Variants in SLC9A7 observed in about 807,000 individuals in gnomAD.
SLC9A7 encodes the protein solute carrier family 9 member A7, also known as sodium/hydrogen exchanger 7.
SLC9A7 carries 19 observed loss-of-function variants against 52.6 expected under a neutral mutation model. The observed-to-expected ratio is 0.36, with a 90% confidence interval of 0.25 to 0.53. SLC9A7 has a LOEUF of 0.53. Ranked by LOEUF, SLC9A7 falls within the 20% of genes least tolerant of loss-of-function variation. The pLI, the probability that SLC9A7 is intolerant of heterozygous loss-of-function variation, is 0.91. For missense variants in SLC9A7, 455 were observed against 597.9 expected, an observed-to-expected ratio of 0.76 and a Z score of 2.49; for synonymous variants, 226 against 252.1, an observed-to-expected ratio of 0.90 and a Z score of 0.98.
intron 1 of SLC9A7, chrX:46,725,159 C>G: frequency 1.3e-6 from 1 of 742,535 alleles, no homozygotes; most frequent in Non-Finnish European, 2.1e-6. Flanking sequence ...TGATGCCAAT[C>G]TATGAAGTAG....
intron 12 of SLC9A7, among the ~76,000 whole-genome samples, chrX:46,641,825 C>G (rs1943410492): frequency 1.8e-5 from 2 of 112,142 alleles, no homozygotes; most frequent in African/African-American, 6.5e-5. Flanking sequence ...GGGCAAATTA[C>G]TGCTTTGTGC....
At chrX:46,612,602 CT>C (rs1396637038) in intron 16 of SLC9A7, among the ~76,000 whole-genome samples, 94 of 111,546 alleles carry the variant, frequency 8.4e-4, no homozygotes, top group Non-Finnish European at 1.9e-4. Flanking sequence ...CCCAGCCAGC[CT>C]GTACTACTAG....
chrX:46,631,471 T>C, intron 14 of SLC9A7, 115 bp downstream of exon 14: 1 of 565,668 alleles, frequency 1.8e-6, no homozygotes, highest in South Asian at 2.8e-5. Context: ...GGGAGAGCAG[T>C]ACACGCTTCA....
intron 14 of SLC9A7, among the ~76,000 whole-genome samples, chrX:46,621,295 C>G (rs754643465): frequency 8.9e-6 from 1 of 112,131 alleles, no homozygotes; most frequent in East Asian, 2.8e-4. Context: ...ATAGCTCAAA[C>G]TTAATATGGA....
At chrX:46,725,365 T>C (rs1944926875) in intron 1 of SLC9A7, 1 of 1,195,051 alleles carries the variant, frequency 8.4e-7, no homozygotes, top group Non-Finnish European at 1.1e-6. Flanking sequence ...GTGCCATAAC[T>C]GCGACTCAGT....
intron 14 of SLC9A7, among the ~76,000 whole-genome samples, chrX:46,626,689 C>T (rs1370091921): frequency 8.9e-6 from 1 of 112,028 alleles, no homozygotes; most frequent in Non-Finnish European, 1.9e-5. Context: ...GGCAGACTTC[C>T]CCCTTGCTGT....
At position 46,643,354 on chromosome X, in the gene SLC9A7, G is replaced by A. The variant is rs1943436944; in HGVS notation, c.1498C>T (p.Arg500Cys). The A allele has an allele frequency of 1.7e-6, 2 of 1,211,056 alleles. No individual in the cohort carries two copies. Among genetic ancestry groups the A allele is most frequent in the Non-Finnish European group, 2.2e-6 (2 of 894,893 alleles). ...RGAMAFALAI[R>C]DTASYARQMM... Reference sequence around the variant, plus strand: ...TGGCGAGCATAGGATGCCGTGTCACGGATGGCCAACGCAAATGCCATTGCT... The same window carrying A: ...TGGCGAGCATAGGATGCCGTGTCACAGATGGCCAACGCAAATGCCATTGCT... The change falls in exon 12 of 17, where the codon CGT (arginine) becomes TGT (cysteine). Residue 500 changes from arginine (R) to cysteine (C), a missense_variant. Transcript: ENST00000616978.
rs756122291 is a variant in SLC9A7, at chrX:46,613,405, T to A, written c.1824-11A>T. On this transcript the variant is annotated splice_polypyrimidine_tract_variant and intron_variant, in intron 15 of 16. Coordinates refer to ENST00000616978, the MANE Select transcript of SLC9A7 (RefSeq NM_001257291.2). Reference sequence around the variant, plus strand: ...ATGGGCTTCAGGTAACTTTAAAATGTGAATTAAGGAAAAATGGCTGCAAAG... The same window carrying A: ...ATGGGCTTCAGGTAACTTTAAAATGAGAATTAAGGAAAAATGGCTGCAAAG... 1.8e-6 allele frequency: 2 copies of A among 1,126,384 alleles called. No individual in the cohort carries two copies. Among genetic ancestry groups the A allele is most frequent in the South Asian group, 3.9e-5 (2 of 50,957 alleles). 92.8% of individuals were successfully genotyped at this position (1,126,384 alleles called of 1,213,427 possible). A position where few individuals can be genotyped will look rare whatever the true frequency, so the allele number is the denominator to read the frequency against.
chrX:46,738,128 G>A (rs1921022198), intron 1 of SLC9A7, among the ~76,000 whole-genome samples: 2 of 110,948 alleles, frequency 1.8e-5, no homozygotes, highest in South Asian at 3.8e-4. Flanking sequence ...AGAAAAGTTT[G>A]GACATCTATA....
chrX:46,607,399 A>T (rs764127223), intron 16 of SLC9A7, among the ~76,000 whole-genome samples, 196 bp from the exon 17 acceptor site: 13 of 111,448 alleles, frequency 1.2e-4, no homozygotes, highest in Admixed American at 1.1e-3. Flanking sequence ...AGGACTTAGA[A>T]TACTAGAAAA....
chrX:46,634,537 C>T (rs1943288201), intron 13 of SLC9A7, among the ~76,000 whole-genome samples: 1 of 110,968 alleles, frequency 9.0e-6, no homozygotes, highest in Non-Finnish European at 1.9e-5. Flanking sequence ...CCTTGAACAC[C>T]ATATCATAAT....
At chrX:46,712,651 G>A (rs1236797787) in intron 1 of SLC9A7, among the ~76,000 whole-genome samples, 1 of 112,013 alleles carries the variant, frequency 8.9e-6, no homozygotes, top group Non-Finnish European at 1.9e-5. Context: ...GTTATACATT[G>A]TGCACTGAGT....
rs1943533531 is a variant in SLC9A7, at chrX:46,648,717, GC to G, written c.1430del (p.Gly477AlafsTer7). On this transcript the variant is annotated frameshift_variant, in exon 11 of 17. Transcript: ENST00000616978. LOFTEE classifies it high-confidence loss of function. Reference protein sequence around the residue: ...FLNLGRRHKIGWNFQHMMMFS... With the variant: ...FLNLGRRHKIXWNFQHMMMFS... ...ACATCATCATGTGTTGAAAATTCCAGCCAATCTTATGCCTTCTGCCCAAGTT... is the reference window on the plus strand; with the variant it reads ...ACATCATCATGTGTTGAAAATTCCAGCAATCTTATGCCTTCTGCCCAAGTT... 8.3e-7 allele frequency: 1 copy of G among 1,208,481 alleles called. No individual in the cohort carries two copies. The highest frequency in any genetic ancestry group is 1.8e-5 in the African/African-American group (1 of 57,029).
At position 46,606,345 on chromosome X, in the gene SLC9A7, C is replaced by T. The variant is rs912688373; in HGVS notation, c.*607G>A. 1.9e-5 allele frequency: 14 copies of T among 753,148 alleles called. No individual in the cohort carries two copies. The East Asian group carries it at 1.7e-3, about 89-fold the overall frequency. 62.1% of individuals were successfully genotyped at this position (753,148 alleles called of 1,213,427 possible). On this transcript the variant is annotated 3_prime_UTR_variant, in exon 17 of 17. Transcript: ENST00000616978. ...ATTCTTCGTTCCATGTTGAAATGTT[C>T]GTGGATGTATTTTCAAATCTTCAGT...
chrX:46,672,630 G>C lies in SLC9A7; in HGVS notation c.604-3C>G. The C allele has an allele frequency of 3.4e-6, 4 of 1,177,257 alleles. No individual in the cohort carries two copies. The highest frequency in any genetic ancestry group is 4.6e-6 in the Non-Finnish European group (4 of 867,439). On this transcript the variant is annotated splice_polypyrimidine_tract_variant and splice_region_variant and intron_variant, in intron 3 of 16. Transcript: ENST00000616978. ...CCAAGATTTCTGAAAAAGTGTCTCT[G>C]AATAAAACAAACAAACAAAACCCAG... is the stretch of plus-strand genomic sequence containing the variant.
chrX:46,660,229 T>G (rs1368301078), intron 7 of SLC9A7, among the ~76,000 whole-genome samples: 1 of 110,556 alleles, frequency 9.0e-6, no homozygotes, highest in Admixed American at 9.6e-5. Context: ...TCAAGATGGA[T>G]TAAAGACTTA....
chrX:46,602,713 C>CT lies in SLC9A7; in HGVS notation c.*4238dup, dbSNP rs1289312984. 2 of 112,672 alleles carry CT rather than the reference C, an allele frequency of 1.8e-5. No individual in the cohort carries two copies. Among genetic ancestry groups the CT allele is most frequent in the East Asian group, 5.5e-4 (2 of 3,607 alleles). The allele number at this position is 112,672 out of a possible 1,213,427, so 9.3% of individuals were successfully genotyped here. On this transcript the variant is annotated 3_prime_UTR_variant, in exon 17 of 17. Coordinates refer to ENST00000616978, the MANE Select transcript of SLC9A7 (RefSeq NM_001257291.2). ...ACTTGGGTTTACTCTCTTGGAAGAA[C>CT]TTTGTTTATTTGGATGTACCATTAC...
chrX:46,614,819 G>A (rs1942917929), intron 15 of SLC9A7, among the ~76,000 whole-genome samples: 3 of 111,709 alleles, frequency 2.7e-5, no homozygotes, highest in Admixed American at 9.5e-5. Flanking sequence ...TCCACTACAG[G>A]GATGGCCAAG....
At chrX:46,708,991 G>A (rs749307581) in intron 1 of SLC9A7, among the ~76,000 whole-genome samples, 2 of 111,539 alleles carry the variant, frequency 1.8e-5, no homozygotes, top group Non-Finnish European at 3.8e-5. Context: ...TTAAAAATAA[G>A]ATAAATGCGT....
Sources: allele counts gnomAD v4.1 joint callset (sites outside exome capture counted in the v4.1 genomes callset), GRCh38; gene constraint gnomAD v4.1.1; transcripts MANE v1.5; gene names NCBI Gene and HGNC (gene_info 2026-07-23, HGNC 2026-07-21).